Variants in STK32A observed in about 807,000 individuals in gnomAD.
STK32A encodes the protein serine/threonine kinase 32A.
Under a neutral mutation model 53.2 loss-of-function variants are expected in STK32A, and 41 were observed. The observed-to-expected ratio is 0.77, with a 90% CI of 0.60 to 1.00. STK32A has a LOEUF of 1.00. Ranked by LOEUF, STK32A falls within the 50% of genes least tolerant of loss-of-function variation. The pLI, the probability that STK32A is intolerant of heterozygous loss-of-function variation, is 0.00. For missense variants in STK32A, 458 were observed against 485.8 expected, an observed-to-expected ratio of 0.94 and a Z score of 0.54; for synonymous variants, 166 against 162.8, an observed-to-expected ratio of 1.02 and a Z score of -0.15.
chr5:147,245,822 T>G (rs760249451), intron 2 of STK32A, among the ~76,000 whole-genome samples: 47 of 152,332 alleles, frequency 3.1e-4, no homozygotes, highest in South Asian at 6.2e-4. Context: ...TGTTCTACTT[T>G]TATTTGGCAA....
At chr5:147,276,538 G>A (rs1755268955) in intron 2 of STK32A, among the ~76,000 whole-genome samples, 1 of 152,126 alleles carries the variant, frequency 6.6e-6, no homozygotes, top group Non-Finnish European at 1.5e-5. Context: ...TGGGGTTCTT[G>A]TGTATTCTTA....
chr5:147,257,104 T>C (rs1241633067), intron 2 of STK32A, among the ~76,000 whole-genome samples: 1 of 152,174 alleles, frequency 6.6e-6, no homozygotes, highest in Admixed American at 6.5e-5. Flanking sequence ...TAGGTTTAGC[T>C]GACAGCTGGG....
At chr5:147,311,651 C>G (rs986225728) in intron 4 of STK32A, among the ~76,000 whole-genome samples, 1 of 152,164 alleles carries the variant, frequency 6.6e-6, no homozygotes, top group Non-Finnish European at 1.5e-5. Flanking sequence ...ACTTCAGTCT[C>G]GAACTCCTGG....
chr5:147,401,472 C>T, the STK32A span: 2 of 1,507,954 alleles, frequency 1.3e-6, no homozygotes, highest in Admixed American at 2.2e-5. Context: ...TGCTCCTGTC[C>T]TCAACCCCCA....
At chr5:147,249,642 G>T (rs963471134) in intron 2 of STK32A, among the ~76,000 whole-genome samples, 1 of 152,094 alleles carries the variant, frequency 6.6e-6, no homozygotes, top group African/African-American at 2.4e-5. Flanking sequence ...GCTGGGTGCA[G>T]TGGTTCACGC....
rs376893083 is a variant in STK32A, at chr5:147,343,033, T to C, written c.462T>C (p.Leu154=). 939 of 1,613,482 alleles carry C rather than the reference T, an allele frequency of 5.8e-4. 1 individual carries two copies. Among genetic ancestry groups the C allele is most frequent in the Middle Eastern group, 1.3e-3 (8 of 6,060 alleles). ...HRDMKPDNIL[L]DEHGHVHITD... ...ATATGAAGCCTGACAATATTTTACT[T>C]GACGAACATGGTAAGTGAGTGATTT... Residue 154 remains leucine (L), a synonymous_variant, in exon 6 of 13, where the codon CTT becomes CTC. Coordinates refer to ENST00000397936, the MANE Select transcript of STK32A (RefSeq NM_001112724.2).
At chr5:147,359,674 T>C (rs1313720980) in intron 7 of STK32A, among the ~76,000 whole-genome samples, 1 of 152,114 alleles carries the variant, frequency 6.6e-6, no homozygotes, top group East Asian at 1.9e-4. Context: ...AGAAATATAG[T>C]CCATCCTGTC....
intron 6 of STK32A, among the ~76,000 whole-genome samples, chr5:147,350,271 A>T (rs889006967): frequency 6.6e-6 from 1 of 150,394 alleles, no homozygotes; most frequent in Admixed American, 6.6e-5. Flanking sequence ...TTTTAGAAAA[A>T]CTTGAAGAAA....
chr5:147,343,341 C>T (rs1166047397), intron 6 of STK32A: 3 of 538,390 alleles, frequency 5.6e-6, no homozygotes, highest in Non-Finnish European at 1.0e-5. Flanking sequence ...GTTAGCTGGC[C>T]TTAATATAAC....
At chr5:147,302,171 A>G (rs1339405464) in intron 4 of STK32A, among the ~76,000 whole-genome samples, 1 of 152,084 alleles carries the variant, frequency 6.6e-6, no homozygotes, top group Non-Finnish European at 1.5e-5. Context: ...AGTGCAATTC[A>G]TTCCCATTGT....
chr5:147,371,062 C>T (rs1756986204), intron 9 of STK32A, among the ~76,000 whole-genome samples: 1 of 152,146 alleles, frequency 6.6e-6, no homozygotes, highest in African/African-American at 2.4e-5. Flanking sequence ...TCCACTTACG[C>T]CAGCCAGCAA....
chr5:147,349,875 G>T (rs1392635702), intron 6 of STK32A, among the ~76,000 whole-genome samples: 6 of 152,022 alleles, frequency 3.9e-5, no homozygotes, highest in Admixed American at 2.6e-4. Flanking sequence ...ACTTTCAGAG[G>T]CCGAGGCAAG....
intron 2 of STK32A, among the ~76,000 whole-genome samples, chr5:147,275,416 C>T (rs1389898827): frequency 1.3e-5 from 2 of 152,036 alleles, no homozygotes; most frequent in African/African-American, 2.4e-5. Flanking sequence ...CAGCCTCAAC[C>T]TCTTAGGTTC....
At chr5:147,349,682 T>C (rs1219781103) in intron 6 of STK32A, among the ~76,000 whole-genome samples, 1 of 152,100 alleles carries the variant, frequency 6.6e-6, no homozygotes, top group Non-Finnish European at 1.5e-5. Context: ...CTACTCCTTC[T>C]TTTTTTATGT....
At chr5:147,353,105 C>A (rs1249529063) in intron 7 of STK32A, among the ~76,000 whole-genome samples, 3 of 152,128 alleles carry the variant, frequency 2.0e-5, no homozygotes, top group Non-Finnish European at 4.4e-5. Context: ...GATTACTCTG[C>A]AGGGTAGCAC....
At chr5:147,340,120 G>A (rs928171198) in intron 5 of STK32A, among the ~76,000 whole-genome samples, 1 of 152,166 alleles carries the variant, frequency 6.6e-6, no homozygotes, top group Admixed American at 6.5e-5. Context: ...TATAATTAGT[G>A]TATAATGAGC....
At chr5:147,239,468 C>T (rs1462916873) in intron 1 of STK32A, 71 bp from the exon 2 acceptor site, 9 of 540,576 alleles carry the variant, frequency 1.7e-5, no homozygotes, top group East Asian at 3.2e-5. Flanking sequence ...TTTATGTTTC[C>T]GCCACAGTCT....
chr5:147,269,292 G>A (rs945176248), intron 2 of STK32A, among the ~76,000 whole-genome samples: 6 of 152,128 alleles, frequency 3.9e-5, no homozygotes, highest in Non-Finnish European at 8.8e-5. Context: ...GCAACCTTGG[G>A]CTTCTTTCTC....
At chr5:147,373,120 T>C in intron 9 of STK32A, 49 bp from the exon 10 acceptor site, 1 of 1,598,980 alleles carries the variant, frequency 6.3e-7, no homozygotes. Context: ...GATTTTTTTT[T>C]GTCCTTCTAT....
Sources: gnomAD v4.1 joint callset for allele counts (sites outside exome capture counted in the v4.1 genomes callset) on GRCh38, gnomAD v4.1.1 for gene constraint, MANE v1.5 for transcripts, NCBI Gene and HGNC (gene_info 2026-07-23, HGNC 2026-07-21) for gene names.